UMAD1: variants seen among roughly 807,000 people sequenced by gnomAD.
The protein encoded by UMAD1 is UBAP1-MVB12-associated (UMA) domain containing 1, also known as UBAP1-MVB12-associated (UMA)-domain containing protein 1.
A neutral mutation model predicts 6.1 loss-of-function variants in UMAD1; 8 were observed. The observed-to-expected ratio is 1.30, with a 90% confidence interval of 0.76 to 2.35. The LOEUF is 2.35. UMAD1 is among the 30% of genes most tolerant of loss of function. The pLI is 0.00. For synonymous variants in UMAD1, 56 were observed against 31.4 expected, an observed-to-expected ratio of 1.78 and a Z score of -2.61; for missense variants, 130 against 78.4, an observed-to-expected ratio of 1.66 and a Z score of -2.49.
At chr7:7,802,438 C>T (rs905485847) in intron 3 of UMAD1, among the ~76,000 whole-genome samples, 2 of 151,582 alleles carry the variant, frequency 1.3e-5, no homozygotes, top group African/African-American at 2.4e-5. Flanking sequence ...CATCAAAGTA[C>T]ACTCCTTGAA....
chr7:7,679,732 A>C (rs895226168), intron 2 of UMAD1, among the ~76,000 whole-genome samples: 3 of 134,178 alleles, frequency 2.2e-5, no homozygotes, highest in Non-Finnish European at 4.9e-5. Flanking sequence ...ATATATATAT[A>C]CACACACACA....
chr7:7,768,542 C>T (rs747694145), intron 2 of UMAD1, among the ~76,000 whole-genome samples: 5 of 152,124 alleles, frequency 3.3e-5, no homozygotes, highest in Non-Finnish European at 5.9e-5. Flanking sequence ...ATTAAACTGC[C>T]ATCAGCTTCT....
chr7:7,679,927 T>C (rs1269828964), intron 2 of UMAD1, among the ~76,000 whole-genome samples: 1 of 151,924 alleles, frequency 6.6e-6, no homozygotes. Context: ...TCCTTATATA[T>C]ACTGATTGTT....
intron 2 of UMAD1, among the ~76,000 whole-genome samples, chr7:7,686,340 A>G (rs1354289412): frequency 6.6e-6 from 1 of 152,178 alleles, no homozygotes; most frequent in African/African-American, 2.4e-5. Context: ...GCCTTCTCAA[A>G]TGTTAGAATG....
chr7:7,715,502 G>A (rs1780879000), intron 2 of UMAD1, among the ~76,000 whole-genome samples: 1 of 152,134 alleles, frequency 6.6e-6, no homozygotes, highest in African/African-American at 2.4e-5. Context: ...AAACATTCAT[G>A]CATTCCGACA....
At chr7:7,806,339 AC>A (rs1185785456) in intron 3 of UMAD1, among the ~76,000 whole-genome samples, 10 of 151,866 alleles carry the variant, frequency 6.6e-5, no homozygotes, top group South Asian at 2.1e-4. Flanking sequence ...TCCTTTGTGA[AC>A]CCTTTTCTCT....
At chr7:7,809,194 AAGGATTTAAGGG>A (rs1359708636) in intron 3 of UMAD1, among the ~76,000 whole-genome samples, 3 of 151,980 alleles carry the variant, frequency 2.0e-5, no homozygotes, top group Non-Finnish European at 4.4e-5. Context: ...TAGGTAAAGG[AAGGATTTAAGGG>A]ACTTTGTTTA....
intron 3 of UMAD1, among the ~76,000 whole-genome samples, chr7:7,872,053 A>G (rs987219276): frequency 1.3e-5 from 2 of 151,844 alleles, no homozygotes; most frequent in Non-Finnish European, 2.9e-5. Flanking sequence ...TTCATGTCCC[A>G]TCAGTAAAGT....
intron 3 of UMAD1, among the ~76,000 whole-genome samples, chr7:7,861,540 A>T (rs552507017): frequency 2.9e-4 from 44 of 152,336 alleles, no homozygotes; most frequent in African/African-American, 1.1e-3. Flanking sequence ...TAGGTGCAGC[A>T]AGTGTGAGTA....
At chr7:7,781,367 C>G (rs1563200879) in intron 2 of UMAD1, among the ~76,000 whole-genome samples, 2 of 151,420 alleles carry the variant, frequency 1.3e-5, no homozygotes, top group Admixed American at 6.6e-5. Flanking sequence ...TCTTGCTCCT[C>G]TTTCTTTTTT....
At chr7:7,847,796 C>G (rs551962082) in intron 3 of UMAD1, among the ~76,000 whole-genome samples, 1 of 152,266 alleles carries the variant, frequency 6.6e-6, no homozygotes, top group African/African-American at 2.4e-5. Context: ...AGCAATTCTT[C>G]TGCCTCAGCC....
chr7:7,668,304 C>A (rs9692373), intron 1 of UMAD1, among the ~76,000 whole-genome samples: 9,570 of 152,142 alleles, frequency 0.063, 356 homozygotes, highest in Middle Eastern at 0.13. Flanking sequence ...ATACAGTAGT[C>A]CCCCTTCTTA....
chr7:7,646,661 A>T (rs150820472), intron 1 of UMAD1, among the ~76,000 whole-genome samples: 1 of 151,996 alleles, frequency 6.6e-6, no homozygotes, highest in East Asian at 1.9e-4. Flanking sequence ...ATGAAAATGA[A>T]CTAATACAGA....
chr7:7,848,366 ATTGG>A (rs1783850434), intron 3 of UMAD1, among the ~76,000 whole-genome samples: 1 of 152,160 alleles, frequency 6.6e-6, no homozygotes. Flanking sequence ...GAAATTGGTA[ATTGG>A]GCTGAAGTTA....
intron 3 of UMAD1, among the ~76,000 whole-genome samples, chr7:7,857,126 C>A (rs942577702): frequency 1.3e-5 from 2 of 152,156 alleles, no homozygotes; most frequent in African/African-American, 4.8e-5. Context: ...AATATACACA[C>A]GGGTCTTTTA....
intron 3 of UMAD1, among the ~76,000 whole-genome samples, chr7:7,805,278 C>T (rs79595337): frequency 0.032 from 4,863 of 152,170 alleles, 123 homozygotes; most frequent in Middle Eastern, 0.058. Context: ...CACCCTGGAG[C>T]CTCTCTGTGC....
At chr7:7,686,755 C>T (rs893986804) in intron 2 of UMAD1, among the ~76,000 whole-genome samples, 2 of 152,160 alleles carry the variant, frequency 1.3e-5, no homozygotes, top group Non-Finnish European at 2.9e-5. Flanking sequence ...TTTATCTTTC[C>T]ATGTGGCCGT....
At chr7:7,724,092 C>T (rs182145489) in intron 2 of UMAD1, among the ~76,000 whole-genome samples, 50 of 152,272 alleles carry the variant, frequency 3.3e-4, no homozygotes, top group Non-Finnish European at 5.7e-4. Flanking sequence ...ATACTACCGA[C>T]AATTTATGCT....
intron 3 of UMAD1, among the ~76,000 whole-genome samples, chr7:7,832,122 G>T (rs985811904): frequency 1.8e-4 from 28 of 152,176 alleles, no homozygotes; most frequent in Non-Finnish European, 8.8e-5. Context: ...GGCCATGGAG[G>T]CTCCTGAATA....
Sources: gnomAD v4.1 joint callset for allele counts (sites outside exome capture counted in the v4.1 genomes callset) on GRCh38, gnomAD v4.1.1 for gene constraint, MANE v1.5 for transcripts, NCBI Gene and HGNC (gene_info 2026-07-23, HGNC 2026-07-21) for gene names.